Variants in SMOC2 observed in about 807,000 individuals in gnomAD.
The protein encoded by SMOC2 is SPARC-related modular calcium-binding protein 2.
SMOC2 carries 39 observed loss-of-function variants against 61.4 expected under a neutral mutation model. That is an observed-to-expected ratio of 0.64 (90% CI 0.49 to 0.83). The LOEUF is 0.83. Ranked by LOEUF, SMOC2 falls within the 40% of genes least tolerant of loss-of-function variation. The pLI, the probability that SMOC2 is intolerant of heterozygous loss-of-function variation, is 0.00. For missense variants in SMOC2, 556 were observed against 592.9 expected, an observed-to-expected ratio of 0.94 and a Z score of 0.65; for synonymous variants, 247 against 239.9, an observed-to-expected ratio of 1.03 and a Z score of -0.27.
intron 5 of SMOC2, among the ~76,000 whole-genome samples, chr6:168,546,220 A>G (rs1440140426): frequency 7.0e-6 from 1 of 141,978 alleles, no homozygotes; most frequent in Non-Finnish European, 1.5e-5. Context: ...TCCAAAAGTT[A>G]TTTAACAAAA....
chr6:168,662,651 T>C (rs147312336), intron 11 of SMOC2, among the ~76,000 whole-genome samples: 487 of 152,324 alleles, frequency 3.2e-3, no homozygotes, highest in African/African-American at 0.011. Flanking sequence ...CTGGTTTCCA[T>C]GTTTGTGTAG....
chr6:168,509,212 C>T (rs1782949596), intron 1 of SMOC2, among the ~76,000 whole-genome samples: 1 of 152,192 alleles, frequency 6.6e-6, no homozygotes. Context: ...CCTGGGGCCA[C>T]CGTGGGAACT....
At chr6:168,601,606 A>T (rs111278361) in intron 8 of SMOC2, among the ~76,000 whole-genome samples, 1,530 of 152,284 alleles carry the variant, frequency 0.01, 25 homozygotes, top group African/African-American at 0.033. Context: ...GCTGGTTTAC[A>T]GTGCATATAA....
chr6:168,651,337 G>A (rs1263334238), intron 10 of SMOC2, among the ~76,000 whole-genome samples: 5 of 152,142 alleles, frequency 3.3e-5, no homozygotes, highest in East Asian at 1.9e-4. Flanking sequence ...AGGCATTCCC[G>A]CACTCCTGGA....
intron 9 of SMOC2, among the ~76,000 whole-genome samples, chr6:168,627,642 T>C (rs760281296): frequency 8.5e-5 from 13 of 152,322 alleles, no homozygotes; most frequent in Non-Finnish European, 1.8e-4. Flanking sequence ...AGATTCAAAA[T>C]GGCCTTTAGC....
chr6:168,638,736 A>G (rs909797054), intron 9 of SMOC2, among the ~76,000 whole-genome samples: 5 of 152,170 alleles, frequency 3.3e-5, no homozygotes, highest in African/African-American at 4.8e-5. Flanking sequence ...TGACAGGTGT[A>G]GGGCCTGGAA....
Position 168,528,281 on chromosome 6 carries a change from T to TTG in SMOC2, c.463+554_463+555insTG, listed in dbSNP as rs200513013. Reference sequence around the variant, plus strand: ...TTCCCATTAGTGTTTTTTTTTTTTTTGCCAATAGTGCTGTAAATGATTTAG... The same window carrying TTG: ...TTCCCATTAGTGTTTTTTTTTTTTTTTGGCCAATAGTGCTGTAAATGATTTAG... On this transcript the variant is annotated intron_variant, in intron 4 of 12. Transcript: ENST00000356284. 1.7e-4 allele frequency among the ~76,000 whole-genome samples: 26 copies of TTG among 150,620 alleles called. 2 individuals carry two copies. Among genetic ancestry groups the TTG allele is most frequent in the South Asian group, 1.1e-3 (5 of 4,756 alleles).
Position 168,598,909 on chromosome 6 carries a change from C to A in SMOC2, c.729C>A (p.Gly243=), listed in dbSNP as rs200774380. 6.2e-7 allele frequency: 1 copy of A among 1,613,502 alleles called. No individual in the cohort carries two copies. Among genetic ancestry groups the A allele is most frequent in the African/African-American group, 1.3e-5 (1 of 74,984 alleles). Residue 243 remains glycine (G), a synonymous_variant, in exon 8 of 13, where the codon GGC becomes GGA. Transcript: ENST00000356284. ...DNVVIPECAH[G]GLYKPVQCHP... ...TGGTGATCCCTGAGTGTGCGCACGG[C>A]GGCCTCTACAAGCCAGTGCAGTGCC...
chr6:168,467,694 A>G (rs761209022), intron 1 of SMOC2, among the ~76,000 whole-genome samples: 75 of 152,174 alleles, frequency 4.9e-4, no homozygotes, highest in Non-Finnish European at 8.5e-4. Context: ...GGCTCAGGCA[A>G]TCTTCCCCCT....
At chr6:168,540,821 C>CGGAAGG (rs1783861533) in intron 4 of SMOC2, among the ~76,000 whole-genome samples, 1 of 152,140 alleles carries the variant, frequency 6.6e-6, no homozygotes, top group South Asian at 2.1e-4. Context: ...GTGAAGTTCT[C>CGGAAGG]GGAAGGGGTG....
intron 9 of SMOC2, among the ~76,000 whole-genome samples, chr6:168,640,052 AT>A (rs1786852779): frequency 6.6e-6 from 1 of 152,088 alleles, no homozygotes; most frequent in Non-Finnish European, 1.5e-5. Flanking sequence ...TACTCCATGT[AT>A]TTGGGTAGTT....
chr6:168,623,643 A>AT (rs1032820671), intron 9 of SMOC2, among the ~76,000 whole-genome samples: 19 of 140,482 alleles, frequency 1.4e-4, no homozygotes, highest in Non-Finnish European at 2.7e-4. Context: ...GCCAATAATT[A>AT]TTTTTTTTAT....
intron 1 of SMOC2, among the ~76,000 whole-genome samples, chr6:168,462,286 G>A (rs957071183): frequency 1.3e-5 from 2 of 152,202 alleles, no homozygotes; most frequent in South Asian, 2.1e-4. Context: ...TTCATGCTAA[G>A]CTATGACAGA....
intron 9 of SMOC2, among the ~76,000 whole-genome samples, chr6:168,632,621 A>G (rs944970121): frequency 6.6e-6 from 1 of 152,196 alleles, no homozygotes; most frequent in South Asian, 2.1e-4. Flanking sequence ...TGCAGCCACC[A>G]TAATTTTGAG....
intron 2 of SMOC2, among the ~76,000 whole-genome samples, chr6:168,518,185 G>C (rs997986763): frequency 6.6e-6 from 1 of 152,198 alleles, no homozygotes; most frequent in Non-Finnish European, 1.5e-5. Context: ...CAAGCGCCCG[G>C]GGCCGGAGTG....
intron 1 of SMOC2, among the ~76,000 whole-genome samples, chr6:168,448,571 CTGGGGAGGAGGATGGTGA>C (rs1279605553): frequency 3.8e-4 from 37 of 97,560 alleles, no homozygotes; most frequent in African/African-American, 1.5e-3. Flanking sequence ...GAGGACAGAA[CTGGGGAGGAGGATGGTGA>C]TGGGGAGGAC....
chr6:168,558,870 C>CGT (rs1784316054), intron 7 of SMOC2, among the ~76,000 whole-genome samples: 1 of 100,088 alleles, frequency 1.0e-5, no homozygotes, highest in Non-Finnish European at 1.9e-5. Context: ...CATGTGTGTG[C>CGT]ATGTGTGTGC....
chr6:168,653,201 G>A lies in SMOC2; in HGVS notation c.1258G>A (p.Gly420Ser), dbSNP rs201624579. Reference protein sequence around the residue: ...MGCLGVAKEDGKADTKKRHTP... With the variant: ...MGCLGVAKEDSKADTKKRHTP... The stretch of plus-strand genomic sequence containing the variant: ...CTGCCTGGGCGTGGCGAAAGAGGAC[G>A]GCAAAGCGGACACCAAGAAACGCCA... The change falls in exon 11 of 13, where the codon GGC becomes AGC. Residue 420 changes from glycine to serine, a missense_variant. Transcript: ENST00000356284. 46 of 1,613,694 alleles carry A rather than the reference G, an allele frequency of 2.9e-5. No individual in the cohort carries two copies. Among genetic ancestry groups the A allele is most frequent in the Non-Finnish European group, 3.3e-5 (39 of 1,179,756 alleles).
intron 9 of SMOC2, among the ~76,000 whole-genome samples, chr6:168,640,375 C>T (rs376021242): frequency 6.6e-6 from 1 of 152,100 alleles, no homozygotes; most frequent in Non-Finnish European, 1.5e-5. Context: ...CAGGCTGCGG[C>T]GGGGGGCTGC....
Sources: gnomAD v4.1 joint callset for allele counts (sites outside exome capture counted in the v4.1 genomes callset) on GRCh38, gnomAD v4.1.1 for gene constraint, MANE v1.5 for transcripts, NCBI Gene and HGNC (gene_info 2026-07-23, HGNC 2026-07-21) for gene names.